FOXN3: variants seen among roughly 807,000 people sequenced by gnomAD.
The protein encoded by FOXN3 is forkhead box N3.
Under a neutral mutation model 38.4 loss-of-function variants are expected in FOXN3, and 7 were observed. The ratio of observed to expected loss-of-function variants is 0.18; its 90% CI spans 0.10 to 0.34. FOXN3 has a LOEUF of 0.34. Among genes scored for constraint, FOXN3 ranks in the 10% least tolerant of loss-of-function variants. The pLI is 1.00. For missense variants in FOXN3, 456 were observed against 613.4 expected, an observed-to-expected ratio of 0.74 and a Z score of 2.71; for synonymous variants, 230 against 242.2, an observed-to-expected ratio of 0.95 and a Z score of 0.47.
At chr14:89,561,288 C>A (rs545073242) in intron 1 of FOXN3, among the ~76,000 whole-genome samples, 6 of 152,370 alleles carry the variant, frequency 3.9e-5, no homozygotes, top group African/African-American at 1.4e-4. Flanking sequence ...TCTCGGCTCA[C>A]TGAAAACTCC....
chr14:89,311,551 G>A (rs192860297), intron 3 of FOXN3, among the ~76,000 whole-genome samples: 19 of 151,770 alleles, frequency 1.3e-4, no homozygotes, highest in African/African-American at 4.1e-4. Flanking sequence ...CTGTGGCCGG[G>A]TGCAGTGGCT....
intron 1 of FOXN3, among the ~76,000 whole-genome samples, chr14:89,432,678 C>A (rs1892186669): frequency 6.6e-6 from 1 of 152,148 alleles, no homozygotes; most frequent in South Asian, 2.1e-4. Flanking sequence ...CTGTCTATTG[C>A]TATTCTCCAA....
At chr14:89,562,489 A>C (rs1161124938) in intron 1 of FOXN3, among the ~76,000 whole-genome samples, 1 of 152,076 alleles carries the variant, frequency 6.6e-6, no homozygotes. Flanking sequence ...TGAACTCCTG[A>C]CCTCAAATGA....
chr14:89,280,918 A>AG, intron 4 of FOXN3, 32 bp downstream of exon 4: 1 of 1,548,088 alleles, frequency 6.5e-7, no homozygotes, highest in Non-Finnish European at 8.9e-7. Flanking sequence ...GGTGAGGGGG[A>AG]GGGAGAGGAA....
intron 4 of FOXN3, among the ~76,000 whole-genome samples, chr14:89,237,706 T>C (rs2139862291): frequency 6.6e-6 from 1 of 152,310 alleles, no homozygotes; most frequent in Non-Finnish European, 1.5e-5. Context: ...CTCCCCCTAA[T>C]TTTTCTTCTC....
At chr14:89,296,685 G>C (rs958934731) in intron 3 of FOXN3, among the ~76,000 whole-genome samples, 17 of 152,314 alleles carry the variant, frequency 1.1e-4, no homozygotes, top group African/African-American at 4.1e-4. Context: ...GTCTAGGCTG[G>C]AGCGCAATGG....
intron 1 of FOXN3, among the ~76,000 whole-genome samples, chr14:89,612,015 G>T (rs936713362): frequency 1.3e-5 from 2 of 151,866 alleles, no homozygotes; most frequent in African/African-American, 4.8e-5. Flanking sequence ...TTCAACCCTG[G>T]GATAGAAACA....
intron 1 of FOXN3, among the ~76,000 whole-genome samples, chr14:89,501,380 G>A (rs1165743269): frequency 1.3e-5 from 2 of 152,142 alleles, no homozygotes; most frequent in African/African-American, 4.8e-5. Context: ...CAGTCAGGTC[G>A]GGAGTGGACG....
In FOXN3 at chr14:89,163,034, A is replaced by G; in HGVS notation, c.852-65T>C. On this transcript the variant is annotated intron_variant, in intron 5 of 5. Coordinates refer to ENST00000557258, the MANE Select transcript of FOXN3 (RefSeq NM_005197.4). The surrounding 1 kb of genome is among the most constrained non-coding windows in gnomAD (Gnocchi z 4.3). ...AAGGGACACAGTTAGACGTCCTCAG[A>G]TGGGGGCACCCGGCAGCCCGCCTGC... 1 of 1,416,980 alleles carries G rather than the reference A, an allele frequency of 7.1e-7. No homozygotes were observed. The highest frequency in any genetic ancestry group is 9.3e-7 in the Non-Finnish European group (1 of 1,075,950). The allele number at this position is 1,416,980 out of a possible 1,614,324, so 87.8% of individuals were successfully genotyped here. A position where few individuals can be genotyped will look rare whatever the true frequency, so the allele number is the denominator to read the frequency against.
At chr14:89,446,314 G>A (rs910847494) in intron 1 of FOXN3, among the ~76,000 whole-genome samples, 20 of 148,346 alleles carry the variant, frequency 1.3e-4, no homozygotes, top group African/African-American at 4.7e-4. Context: ...TCAGCCTCCC[G>A]AGTAGCTGGG....
At chr14:89,172,868 A>G (rs1887425460) in intron 5 of FOXN3, among the ~76,000 whole-genome samples, 1 of 152,208 alleles carries the variant, frequency 6.6e-6, no homozygotes, top group South Asian at 2.1e-4. Context: ...TCAAATAATA[A>G]GACTTAAATG....
chr14:89,466,309 G>C (rs1272803789), intron 1 of FOXN3, among the ~76,000 whole-genome samples: 2 of 152,084 alleles, frequency 1.3e-5, no homozygotes, highest in Non-Finnish European at 2.9e-5. Context: ...GACCTCCCGG[G>C]GGCCGCCATT....
At chr14:89,491,749 G>A (rs2139775097) in intron 1 of FOXN3, among the ~76,000 whole-genome samples, 1 of 152,284 alleles carries the variant, frequency 6.6e-6, no homozygotes, top group Admixed American at 6.5e-5. Context: ...GTACCTTCAT[G>A]CTTCTCTTAG....
chr14:89,481,505 T>G (rs1435482555), intron 1 of FOXN3, among the ~76,000 whole-genome samples: 1 of 152,062 alleles, frequency 6.6e-6, no homozygotes, highest in Non-Finnish European at 1.5e-5. Flanking sequence ...CCAGGGCCAC[T>G]GTCAGGGAAG....
intron 2 of FOXN3, among the ~76,000 whole-genome samples, chr14:89,385,344 CTAAGT>C (rs1016681518): frequency 1.3e-5 from 2 of 151,966 alleles, no homozygotes; most frequent in Non-Finnish European, 2.9e-5. Flanking sequence ...CACCTTGAGC[CTAAGT>C]TAAGATGCCA....
intron 1 of FOXN3, among the ~76,000 whole-genome samples, chr14:89,575,959 G>C: frequency 6.6e-6 from 1 of 152,140 alleles, no homozygotes; most frequent in Non-Finnish European, 1.5e-5. Flanking sequence ...TCTGAAGTTA[G>C]GCTAAGCAGA....
intron 3 of FOXN3, among the ~76,000 whole-genome samples, chr14:89,299,113 C>T (rs1216611117): frequency 6.6e-6 from 1 of 151,448 alleles, no homozygotes; most frequent in Admixed American, 6.6e-5. Context: ...TCAATAAGTG[C>T]TGCTATTATC....
In FOXN3 at chr14:89,433,481, C is replaced by T. The variant is rs10129580; in HGVS notation, c.-14-20991G>A. Reference sequence around the variant, plus strand: ...TGGGCGACTAAGCGAGACTCCATCTCAAACAAACAAACAAACAAATAAATA... The same window carrying T: ...TGGGCGACTAAGCGAGACTCCATCTTAAACAAACAAACAAACAAATAAATA... On this transcript the variant is annotated intron_variant, in intron 1 of 6. Transcript: ENST00000345097. Among the ~76,000 whole-genome samples the T allele has an allele frequency of 2.7e-3, 404 of 150,884 alleles. 2 individuals are homozygous for T. Among genetic ancestry groups the T allele is most frequent in the African/African-American group, 9.2e-3 (373 of 40,524 alleles).
intron 2 of FOXN3, among the ~76,000 whole-genome samples, chr14:89,391,535 T>C (rs1465610741): frequency 6.6e-6 from 1 of 152,230 alleles, no homozygotes. Context: ...AGGCTGCTTC[T>C]TCCCAGTTCA....
Sources: allele counts gnomAD v4.1 joint callset (sites outside exome capture counted in the v4.1 genomes callset), GRCh38; gene constraint gnomAD v4.1.1; non-coding constraint Gnocchi (gnomAD v3.1); transcripts MANE v1.5; gene names NCBI Gene and HGNC (gene_info 2026-07-23, HGNC 2026-07-21).